ROBO1: variants seen among roughly 807,000 people sequenced by gnomAD.
ROBO1 encodes the protein roundabout homolog 1.
Under a neutral mutation model 195.9 loss-of-function variants are expected in ROBO1, and 149 were observed. That is an observed-to-expected ratio of 0.76 (90% CI 0.67 to 0.87). ROBO1 has a LOEUF of 0.87. Ranked by LOEUF, ROBO1 falls within the 40% of genes least tolerant of loss-of-function variation. ROBO1 has a pLI of 0.00. For missense variants in ROBO1, 1,933 were observed against 2,068.3 expected, an observed-to-expected ratio of 0.93 and a Z score of 1.27; for synonymous variants, 816 against 733.2, an observed-to-expected ratio of 1.11 and a Z score of -1.82.
In ROBO1 at chr3:79,105,748, A is replaced by G. The variant is rs368365124; in HGVS notation, c.172+19708T>C. On this transcript the variant is annotated intron_variant, in intron 3 of 30. Transcript: ENST00000464233. Reference sequence around the variant, plus strand: ...AAAAATCCTTAGTGTCATCATGTGTATGTAATGAAAAGAGTATACCACAAA... The same window carrying G: ...AAAAATCCTTAGTGTCATCATGTGTGTGTAATGAAAAGAGTATACCACAAA... Among the ~76,000 whole-genome samples, 38 of 151,890 alleles carry G rather than the reference A, an allele frequency of 2.5e-4. No individual in the cohort carries two copies. In the South Asian group the frequency reaches 7.9e-3, roughly 31 times the overall value.
intron 3 of ROBO1, among the ~76,000 whole-genome samples, chr3:79,027,611 T>C (rs902947875): frequency 6.6e-6 from 1 of 151,990 alleles, no homozygotes; most frequent in Non-Finnish European, 1.5e-5. Context: ...ACATAGAATA[T>C]AAACCTACTG....
At chr3:79,318,506 C>A (rs1221590332) in intron 2 of ROBO1, among the ~76,000 whole-genome samples, 2 of 152,192 alleles carry the variant, frequency 1.3e-5, no homozygotes, top group African/African-American at 2.4e-5. Context: ...TTCAGTTTAA[C>A]ATCCTGGGCC....
chr3:79,246,662 G>A (rs1274478043), intron 2 of ROBO1, among the ~76,000 whole-genome samples: 4 of 151,936 alleles, frequency 2.6e-5, no homozygotes. Flanking sequence ...GTGACCTTGA[G>A]CTATTGCTTA....
intron 2 of ROBO1, among the ~76,000 whole-genome samples, chr3:79,426,983 T>C (rs1296019357): frequency 1.3e-5 from 2 of 152,168 alleles, no homozygotes; most frequent in Non-Finnish European, 2.9e-5. Context: ...ATTATTCAAT[T>C]AAATCCTTAT....
At chr3:79,719,550 T>C (rs1344406321) in intron 1 of ROBO1, among the ~76,000 whole-genome samples, 3 of 152,084 alleles carry the variant, frequency 2.0e-5, no homozygotes, top group Non-Finnish European at 4.4e-5. Context: ...TTATCCAATG[T>C]TGGTGGGAAG....
At chr3:79,432,550 C>T (rs532120689) in intron 2 of ROBO1, among the ~76,000 whole-genome samples, 2 of 152,196 alleles carry the variant, frequency 1.3e-5, no homozygotes, top group South Asian at 2.1e-4. Flanking sequence ...ACAGGTAACA[C>T]GAGCAAAGCA....
In ROBO1 at chr3:78,735,567, A is replaced by T. The variant is rs183561140; in HGVS notation, c.657+11176T>A. ...TGAATTTCTATATGTTCGTAATAAC[A>T]TGCAGAATGTACAAAATAATTAAAT... On this transcript the variant is annotated intron_variant, in intron 5 of 30. Coordinates refer to ENST00000464233, the MANE Select transcript of ROBO1 (RefSeq NM_002941.4). Among the ~76,000 whole-genome samples the T allele has an allele frequency of 1.7e-3, 254 of 152,308 alleles. 1 individual carries two copies. The highest frequency in any genetic ancestry group is 2.5e-3 in the Non-Finnish European group (167 of 68,030).
At chr3:79,350,276 A>G (rs1184465819) in intron 2 of ROBO1, among the ~76,000 whole-genome samples, 2 of 152,224 alleles carry the variant, frequency 1.3e-5, no homozygotes, top group African/African-American at 4.8e-5. Flanking sequence ...GGATGGCTGT[A>G]ATAAAAAATA....
intron 2 of ROBO1, among the ~76,000 whole-genome samples, chr3:79,523,479 T>C (rs1303746119): frequency 6.7e-6 from 1 of 148,552 alleles, no homozygotes; most frequent in Non-Finnish European, 1.5e-5. Context: ...TTTCTTTTTT[T>C]TTTTTTTTTT....
intron 2 of ROBO1, among the ~76,000 whole-genome samples, chr3:79,475,910 C>A (rs1479777697): frequency 6.6e-6 from 1 of 152,042 alleles, no homozygotes; most frequent in Non-Finnish European, 1.5e-5. Context: ...AACCTACAGA[C>A]TCTTTGGAAG....
chr3:78,887,374 C>T (rs1472693587), intron 4 of ROBO1, among the ~76,000 whole-genome samples: 1 of 152,078 alleles, frequency 6.6e-6, no homozygotes, highest in East Asian at 1.9e-4. Context: ...CCCTCCAATG[C>T]TCTATAAAGT....
chr3:79,643,104 A>G (rs1373502277), intron 1 of ROBO1, among the ~76,000 whole-genome samples: 1 of 151,936 alleles, frequency 6.6e-6, no homozygotes, highest in Non-Finnish European at 1.5e-5. Flanking sequence ...AAAAAAGCAG[A>G]CAGAAGAAGT....
chr3:79,417,724 A>C (rs2038063093), intron 2 of ROBO1, among the ~76,000 whole-genome samples: 1 of 152,146 alleles, frequency 6.6e-6, no homozygotes, highest in Admixed American at 6.6e-5. Flanking sequence ...AGTGAGGTCA[A>C]GTGAAAATGT....
chr3:79,104,377 T>C (rs2079735935), intron 3 of ROBO1, among the ~76,000 whole-genome samples: 1 of 151,792 alleles, frequency 6.6e-6, no homozygotes, highest in African/African-American at 2.4e-5. Context: ...TAGAACAGCA[T>C]GTGAACATTT....
At chr3:78,978,551 C>T (rs1480187877) in intron 3 of ROBO1, among the ~76,000 whole-genome samples, 1 of 152,026 alleles carries the variant, frequency 6.6e-6, no homozygotes, top group Admixed American at 6.6e-5. Context: ...ATATTATCCT[C>T]ATCTTGAAGG....
At chr3:78,980,463 A>T (rs978237763) in intron 3 of ROBO1, among the ~76,000 whole-genome samples, 11 of 152,212 alleles carry the variant, frequency 7.2e-5, no homozygotes, top group Admixed American at 5.9e-4. Flanking sequence ...ATAAATACAC[A>T]AGGTTACCAT....
At chr3:79,058,470 T>C (rs982527223) in intron 3 of ROBO1, among the ~76,000 whole-genome samples, 4 of 152,032 alleles carry the variant, frequency 2.6e-5, no homozygotes, top group Non-Finnish European at 4.4e-5. Context: ...GCTATTGCCA[T>C]GTCTGGACTG....
Position 78,668,241 on chromosome 3 carries a change from T to C in ROBO1, c.1692A>G (p.Pro564=), listed in dbSNP as rs759147906. The C allele has an allele frequency of 9.3e-6, 15 of 1,613,812 alleles. No individual in the cohort carries two copies. In the South Asian group the frequency reaches 1.6e-4, roughly 18 times the overall value. ...PTDPNLIPSA[P]SKPEVTDVSR... ...TGACATCTGTCACTTCAGGTTTTGATGGGGCACTAGGGATTAAATTTGGGT... is the reference window on the plus strand; with the variant it reads ...TGACATCTGTCACTTCAGGTTTTGACGGGGCACTAGGGATTAAATTTGGGT... The change falls in exon 13 of 31, where the codon CCA becomes CCG. Residue 564 remains proline, a synonymous_variant. Coordinates refer to ENST00000464233, the MANE Select transcript of ROBO1 (RefSeq NM_002941.4).
intron 10 of ROBO1, among the ~76,000 whole-genome samples, chr3:78,680,944 CAAT>C (rs1255928551): frequency 2.6e-4 from 39 of 150,788 alleles, no homozygotes; most frequent in Admixed American, 1.1e-3. Flanking sequence ...AAATGTCCAA[CAAT>C]GATAGACTGG....
Sources: gnomAD v4.1 joint callset for allele counts (sites outside exome capture counted in the v4.1 genomes callset) on GRCh38, gnomAD v4.1.1 for gene constraint, MANE v1.5 for transcripts, NCBI Gene and HGNC (gene_info 2026-07-23, HGNC 2026-07-21) for gene names.